The following RUNX2 variants were observed in gnomAD, a reference collection of about 807,000 sequenced individuals.
The protein encoded by RUNX2 is runt-related transcription factor 2.
A neutral mutation model predicts 51.7 loss-of-function variants in RUNX2; 10 were observed. The observed-to-expected ratio is 0.19, with a 90% CI of 0.12 to 0.33. RUNX2 has a LOEUF of 0.33. Among genes scored for constraint, RUNX2 ranks in the 10% least tolerant of loss-of-function variants. The pLI is 1.00. For missense variants in RUNX2, 562 were observed against 691.3 expected, an observed-to-expected ratio of 0.81 and a Z score of 2.10; for synonymous variants, 276 against 273.6, an observed-to-expected ratio of 1.01 and a Z score of -0.09.
chr6:45,517,697 C>A (rs957618309), intron 7 of RUNX2, among the ~76,000 whole-genome samples: 1 of 151,948 alleles, frequency 6.6e-6, no homozygotes, highest in Non-Finnish European at 1.5e-5. Context: ...TTATGACTTT[C>A]GGTGGCTAAA....
rs1485257872 is a variant in RUNX2, at chr6:45,504,324, G to T, written c.860-7922G>T. Among the ~76,000 whole-genome samples the T allele has an allele frequency of 2.6e-5, 4 of 152,284 alleles. No individual in the cohort carries two copies. The East Asian group carries it at 7.7e-4, about 29-fold the overall frequency. On this transcript the variant is annotated intron_variant, in intron 6 of 8. Transcript: ENST00000647337. ...GGTTGGGAGCTCACTCTTCTGAGTGGTTAGCATCATAGCATTTTGTATCTG... is the reference window on the plus strand; with the variant it reads ...GGTTGGGAGCTCACTCTTCTGAGTGTTTAGCATCATAGCATTTTGTATCTG...
rs1274126564 is a variant in RUNX2, at chr6:45,514,165, A to G, written c.1021+1758A>G. On this transcript the variant is annotated intron_variant, in intron 7 of 8. Transcript: ENST00000647337. ...AGTGATGGTAGCATTAGAGACACTT[A>G]ACTACAGCAGTTTCCTACTGAGGTA... Among the ~76,000 whole-genome samples the G allele has an allele frequency of 2.0e-5, 3 of 152,184 alleles. No individual in the cohort carries two copies. The South Asian group carries it at 6.2e-4, about 31-fold the overall frequency.
At chr6:45,521,163 G>T (rs1801497198) in intron 7 of RUNX2, among the ~76,000 whole-genome samples, 1 of 152,070 alleles carries the variant, frequency 6.6e-6, no homozygotes, top group Admixed American at 6.5e-5. Context: ...AATGTTTAAT[G>T]AAACAAGTAT....
chr6:45,444,762 C>A (rs1323131562), intron 5 of RUNX2, among the ~76,000 whole-genome samples: 1 of 152,196 alleles, frequency 6.6e-6, no homozygotes, highest in Non-Finnish European at 1.5e-5. Flanking sequence ...AGTGAACAGA[C>A]TTAACGAAAC....
intron 7 of RUNX2, among the ~76,000 whole-genome samples, chr6:45,518,398 C>T (rs141828931): frequency 1.3e-3 from 198 of 152,232 alleles, no homozygotes; most frequent in African/African-American, 4.5e-3. Context: ...CTAAAAATAG[C>T]CTATCTTTTG....
chr6:45,346,855 G>A (rs949827586), intron 2 of RUNX2, among the ~76,000 whole-genome samples: 4 of 152,114 alleles, frequency 2.6e-5, no homozygotes, highest in African/African-American at 4.8e-5. Flanking sequence ...GTGAGCCATC[G>A]CGCCGGGCCT....
intron 2 of RUNX2, among the ~76,000 whole-genome samples, chr6:45,384,933 GC>G (rs1323302225): frequency 3.3e-5 from 5 of 151,694 alleles, no homozygotes; most frequent in African/African-American, 4.8e-5. Flanking sequence ...CAAACCCCTG[GC>G]CTCACGTCAT....
chr6:45,406,546 C>T (rs1797837466), intron 2 of RUNX2, among the ~76,000 whole-genome samples: 1 of 152,162 alleles, frequency 6.6e-6, no homozygotes, highest in Non-Finnish European at 1.5e-5. Context: ...TCCCAAGTAG[C>T]TGGGACTACA....
chr6:45,449,878 T>C (rs1241163191), intron 5 of RUNX2, among the ~76,000 whole-genome samples: 1 of 152,066 alleles, frequency 6.6e-6, no homozygotes, highest in African/African-American at 2.4e-5. Flanking sequence ...CTTTAAAAAA[T>C]TGCACAAGTG....
chr6:45,442,028 T>C (rs1189797047), intron 5 of RUNX2, among the ~76,000 whole-genome samples: 1 of 152,246 alleles, frequency 6.6e-6, no homozygotes, highest in African/African-American at 2.4e-5. Flanking sequence ...TAAGAGCACA[T>C]GATCATCACT....
At chr6:45,472,361 C>T (rs1048924318) in intron 5 of RUNX2, among the ~76,000 whole-genome samples, 1 of 152,148 alleles carries the variant, frequency 6.6e-6, no homozygotes, top group Non-Finnish European at 1.5e-5. Context: ...AAGTTTCAGT[C>T]AGATGTATAT....
intron 5 of RUNX2, among the ~76,000 whole-genome samples, chr6:45,438,920 T>C (rs1798765387): frequency 6.6e-6 from 1 of 152,194 alleles, no homozygotes; most frequent in South Asian, 2.1e-4. Flanking sequence ...AGTGAATACA[T>C]TGGAATCCTA....
intron 6 of RUNX2, among the ~76,000 whole-genome samples, chr6:45,509,163 A>T (rs1315550867): frequency 2.6e-5 from 4 of 152,224 alleles, no homozygotes; most frequent in Non-Finnish European, 5.9e-5. Flanking sequence ...TAACATTGAG[A>T]AACACAGCCC....
At chr6:45,464,929 T>C (rs1279715915) in intron 5 of RUNX2, among the ~76,000 whole-genome samples, 2 of 152,228 alleles carry the variant, frequency 1.3e-5, no homozygotes. Context: ...TTATCTATCA[T>C]ATGGCCAGTT....
intron 6 of RUNX2, among the ~76,000 whole-genome samples, chr6:45,500,488 A>G (rs1205323794): frequency 6.6e-6 from 1 of 152,220 alleles, no homozygotes; most frequent in East Asian, 1.9e-4. Flanking sequence ...ATTGTGATCC[A>G]TATAGAGAAT....
At chr6:45,485,699 A>G (rs764998872) in intron 5 of RUNX2, among the ~76,000 whole-genome samples, 1,407 of 110,652 alleles carry the variant, frequency 0.013, 26 homozygotes, top group African/African-American at 0.041. Context: ...GTGTGTGTGT[A>G]TATATATATA....
Position 45,338,315 on chromosome 6 carries a change from C to T in RUNX2, c.58+9531C>T, listed in dbSNP as rs573213581. The stretch of plus-strand genomic sequence containing the variant: ...TTGTTCTCTCAAAAAAGGCAAACAA[C>T]TTTTGAGCATTTCCAGATGTAGCTC... On this transcript the variant is annotated intron_variant, in intron 2 of 8. Transcript: ENST00000647337. Among the ~76,000 whole-genome samples the T allele has an allele frequency of 1.9e-3, 280 of 151,320 alleles. 1 individual carries two copies. Among genetic ancestry groups the T allele is most frequent in the African/African-American group, 6.3e-3 (259 of 41,384 alleles).
intron 2 of RUNX2, among the ~76,000 whole-genome samples, chr6:45,359,179 T>C (rs930350296): frequency 6.6e-6 from 1 of 152,186 alleles, no homozygotes; most frequent in African/African-American, 2.4e-5. Flanking sequence ...AATTATTTTA[T>C]GTAGCCACAT....
At chr6:45,379,765 C>T (rs1487072649) in intron 2 of RUNX2, among the ~76,000 whole-genome samples, 1 of 152,050 alleles carries the variant, frequency 6.6e-6, no homozygotes, top group African/African-American at 2.4e-5. Flanking sequence ...ACTCGGGAGG[C>T]TGAGGCAGGA....
Sources: allele counts gnomAD v4.1 joint callset (sites outside exome capture counted in the v4.1 genomes callset), GRCh38; gene constraint gnomAD v4.1.1; transcripts MANE v1.5; gene names NCBI Gene and HGNC (gene_info 2026-07-23, HGNC 2026-07-21).